The following ANKS1B variants were observed in gnomAD, a reference collection of about 807,000 sequenced individuals.
ANKS1B encodes ankyrin repeat and sterile alpha motif domain-containing protein 1B.
In ANKS1B, 36 loss-of-function variants were observed where a neutral mutation model predicts 148.3. The ratio of observed to expected loss-of-function variants is 0.24; its 90% CI spans 0.19 to 0.32. The LOEUF (loss-of-function observed/expected upper bound fraction) is 0.32, where lower values mean the gene tolerates loss of function less well. ANKS1B is among the 10% of genes least tolerant of loss of function. The pLI, the probability that ANKS1B is intolerant of heterozygous loss-of-function variation, is 1.00. For synonymous variants in ANKS1B, 542 were observed against 560.8 expected (o/e 0.97, Z 0.47); for missense variants, 1,157 against 1,542.6 (o/e 0.75, Z 4.19).
intron 10 of ANKS1B, among the ~76,000 whole-genome samples, chr12:99,445,414 A>C (rs184525313): frequency 6.6e-6 from 1 of 152,144 alleles, no homozygotes. Context: ...TATTATATTT[A>C]ACAGTATAAT....
chr12:99,807,446 CT>C (rs925414733), intron 3 of ANKS1B, among the ~76,000 whole-genome samples: 1 of 152,000 alleles, frequency 6.6e-6, no homozygotes, highest in African/African-American at 2.4e-5. Flanking sequence ...CAGAGGGACC[CT>C]TCAGACTATT....
chr12:99,168,531 A>C (rs1451092685), intron 14 of ANKS1B, among the ~76,000 whole-genome samples: 1 of 152,082 alleles, frequency 6.6e-6, no homozygotes, highest in Non-Finnish European at 1.5e-5. Context: ...AAAAAAAAAA[A>C]AAGGAAGTTA....
intron 1 of ANKS1B, among the ~76,000 whole-genome samples, chr12:99,870,405 T>C (rs1038851394): frequency 5.3e-5 from 8 of 152,248 alleles, no homozygotes; most frequent in Non-Finnish European, 1.5e-5. Context: ...GAACATATGA[T>C]TGCATGTTCT....
chr12:99,291,758 T>C lies in ANKS1B; in HGVS notation c.1757-44894A>G, dbSNP rs561009426. ...AATCACACTACCTGACTTCAAACTA[T>C]ACTACAAGGCTACAGTAACCAAAAC... is the stretch of plus-strand genomic sequence containing the variant. On this transcript the variant is annotated intron_variant, in intron 12 of 26. Transcript: ENST00000683438. Among the ~76,000 whole-genome samples, 12 of 152,238 alleles carry C rather than the reference T, an allele frequency of 7.9e-5. No individual in the cohort carries two copies. In the South Asian group the frequency reaches 2.5e-3, roughly 32 times the overall value.
rs538639548 is a variant in ANKS1B at position 99,682,055 on chromosome 12, A to G, written c.1129-26845T>C. ...TATGTAATGATAAAAGGACTAGTCC[A>G]ACAGGAAAATATCACAATCCAAAAT... is the stretch of plus-strand genomic sequence containing the variant. On this transcript the variant is annotated intron_variant, in intron 8 of 26. Transcript: ENST00000683438. 3.3e-5 allele frequency among the ~76,000 whole-genome samples: 5 copies of G among 152,360 alleles called. No individual in the cohort carries two copies. The South Asian group carries it at 1.0e-3, about 32-fold the overall frequency.
intron 1 of ANKS1B, among the ~76,000 whole-genome samples, chr12:99,919,779 T>TAAAAAAAAAA (rs61076587): frequency 7.4e-6 from 1 of 134,490 alleles, no homozygotes. Flanking sequence ...GCTGCAGAGT[T>TAAAAAAAAAA]AAAAAAAAAA....
intron 9 of ANKS1B, among the ~76,000 whole-genome samples, chr12:99,586,831 G>A (rs2097647095): frequency 1.3e-5 from 2 of 152,106 alleles, no homozygotes; most frequent in East Asian, 1.9e-4. Context: ...AAAACCATCA[G>A]ATCTCCTGAG....
intron 8 of ANKS1B, among the ~76,000 whole-genome samples, chr12:99,738,826 T>G (rs1484924137): frequency 6.6e-6 from 1 of 152,086 alleles, no homozygotes; most frequent in Non-Finnish European, 1.5e-5. Flanking sequence ...ACAAATATGC[T>G]CACATTTGGA....
At chr12:99,336,990 T>G (rs114207518) in intron 12 of ANKS1B, among the ~76,000 whole-genome samples, 1 of 152,170 alleles carries the variant, frequency 6.6e-6, no homozygotes, top group East Asian at 1.9e-4. Flanking sequence ...GTAGACTTAT[T>G]TGAATTGAAT....
At chr12:99,308,053 T>G (rs1403835670) in intron 12 of ANKS1B, among the ~76,000 whole-genome samples, 2 of 152,096 alleles carry the variant, frequency 1.3e-5, no homozygotes, top group African/African-American at 4.8e-5. Flanking sequence ...AACAAACGAT[T>G]ATAGCAACAA....
At chr12:99,798,146 G>A (rs1272844591) in intron 4 of ANKS1B, among the ~76,000 whole-genome samples, 6 of 151,828 alleles carry the variant, frequency 4.0e-5, no homozygotes, top group Non-Finnish European at 7.4e-5. Context: ...TGAAGCCTGC[G>A]AAAGAGAATA....
chr12:99,979,974 G>C (rs1413191312), intron 1 of ANKS1B, among the ~76,000 whole-genome samples: 1 of 151,826 alleles, frequency 6.6e-6, no homozygotes, highest in African/African-American at 2.4e-5. Flanking sequence ...ATACAGGGGA[G>C]AGAAGTTAAT....
chr12:99,636,242 A>T (rs2098234677), intron 9 of ANKS1B, among the ~76,000 whole-genome samples: 1 of 152,186 alleles, frequency 6.6e-6, no homozygotes, highest in African/African-American at 2.4e-5. Context: ...TAAAGCCACC[A>T]TGAACACCAA....
chr12:98,897,735 T>C (rs192887516), intron 17 of ANKS1B, among the ~76,000 whole-genome samples: 1 of 152,058 alleles, frequency 6.6e-6, no homozygotes, highest in Non-Finnish European at 1.5e-5. Context: ...CAAAGGAAAA[T>C]AAATTGTTAT....
intron 12 of ANKS1B, among the ~76,000 whole-genome samples, chr12:99,370,630 T>C (rs1273690778): frequency 1.3e-5 from 2 of 152,206 alleles, no homozygotes; most frequent in Admixed American, 1.3e-4. Flanking sequence ...TGTTAATAAG[T>C]ACCTGGCTTC....
In ANKS1B at chr12:99,155,098, T is replaced by C. The variant is rs975762967; in HGVS notation, c.2420-703A>G. On this transcript the variant is annotated intron_variant, in intron 14 of 26. Transcript: ENST00000683438. Reference sequence around the variant, plus strand: ...ATACTGGTTATACGTTACAGAGCTATTTGTTGTGGAATTTTACGTTTCAAA... The same window carrying C: ...ATACTGGTTATACGTTACAGAGCTACTTGTTGTGGAATTTTACGTTTCAAA... 6 of 1,519,568 alleles carry C rather than the reference T, an allele frequency of 3.9e-6. No individual in the cohort carries two copies. In the African/African-American group the frequency reaches 5.5e-5, roughly 14 times the overall value. The allele number at this position is 1,519,568 out of a possible 1,614,324, so 94.1% of individuals were successfully genotyped here.
intron 10 of ANKS1B, among the ~76,000 whole-genome samples, chr12:99,467,529 T>C (rs2096145256): frequency 6.6e-6 from 1 of 152,158 alleles, no homozygotes; most frequent in Non-Finnish European, 1.5e-5. Context: ...TGATTGTATA[T>C]CTAGAAAACC....
intron 19 of ANKS1B, among the ~76,000 whole-genome samples, chr12:98,820,146 G>A (rs1175613435): frequency 3.3e-5 from 5 of 152,226 alleles, no homozygotes; most frequent in Admixed American, 3.3e-4. Flanking sequence ...TTTCTGGAAT[G>A]TGCCACGTCC....
At chr12:98,811,186 T>G (rs1210178756) in intron 19 of ANKS1B, among the ~76,000 whole-genome samples, 1 of 152,180 alleles carries the variant, frequency 6.6e-6, no homozygotes, top group Non-Finnish European at 1.5e-5. Flanking sequence ...TCTTCTAGGA[T>G]AGAGGGCAGG....
Sources: allele counts gnomAD v4.1 joint callset (sites outside exome capture counted in the v4.1 genomes callset), GRCh38; gene constraint gnomAD v4.1.1; transcripts MANE v1.5; gene names NCBI Gene and HGNC (gene_info 2026-07-23, HGNC 2026-07-21).